The following CILK1 variants were observed in gnomAD, a reference collection of about 807,000 sequenced individuals.
CILK1 encodes the protein ciliogenesis associated kinase 1, also known as serine/threonine-protein kinase ICK.
CILK1 carries 47 observed loss-of-function variants against 79.2 expected under a neutral mutation model. The ratio of observed to expected loss-of-function variants is 0.59; its 90% CI spans 0.47 to 0.76. The LOEUF is 0.76. Among genes scored for constraint, CILK1 ranks in the 30% least tolerant of loss-of-function variants. The pLI is 0.00. For synonymous variants in CILK1, 266 were observed against 275.9 expected (o/e 0.96, Z 0.36); for missense variants, 660 against 769.5 (o/e 0.86, Z 1.68).
chr6:53,054,225 C>G lies in CILK1; in HGVS notation c.-173+7371G>C, dbSNP rs371955986. Among the ~76,000 whole-genome samples the G allele has an allele frequency of 7.9e-5, 12 of 152,200 alleles. No individual in the cohort carries two copies. The East Asian group carries it at 1.5e-3, about 20-fold the overall frequency. ...CCTGCCCCAACCTACACATATAGAC[C>G]CGAGAATGGTCCTCTCCCTTGATGC... On this transcript the variant is annotated intron_variant, in intron 1 of 13. Transcript: ENST00000676107.
intron 1 of CILK1, among the ~76,000 whole-genome samples, chr6:53,054,889 T>C (rs919895631): frequency 2.0e-5 from 3 of 152,304 alleles, no homozygotes; most frequent in African/African-American, 7.2e-5. Context: ...GCAGCTCACA[T>C]CAGGTGCCTT....
At position 53,009,537 on chromosome 6, in the gene CILK1, T is replaced by C; in HGVS notation, c.1523A>G (p.Asn508Ser). 1 of 1,611,578 alleles carries C rather than the reference T, an allele frequency of 6.2e-7. No homozygotes were observed. The highest frequency in any genetic ancestry group is 1.1e-5 in the South Asian group (1 of 91,036). ...GISIRNGILS[N>S]PGKEFIPPNP... ...AGGTGGAATAAATTCCTTGCCTGGA[T>C]TCGAGAGTATGCCATTTCTTATACT... The change falls in exon 12 of 14, where the codon AAT becomes AGT. Residue 508 changes from asparagine to serine, a missense_variant. Coordinates refer to ENST00000676107, the MANE Select transcript of CILK1 (RefSeq NM_014920.5).
chr6:53,059,488 A>T (rs1768233248), intron 1 of CILK1, among the ~76,000 whole-genome samples: 1 of 152,216 alleles, frequency 6.6e-6, no homozygotes, highest in Admixed American at 6.5e-5. Flanking sequence ...AAATATTATA[A>T]GAGAAGTAGA....
At chr6:53,015,199 G>T (rs534546398) in intron 8 of CILK1, among the ~76,000 whole-genome samples, 154 of 152,262 alleles carry the variant, frequency 1.0e-3, no homozygotes, top group Non-Finnish European at 1.7e-3. Flanking sequence ...ATTAGAATTG[G>T]TCACTTATAT....
Position 53,009,463 on chromosome 6 carries a change from A to G in CILK1, c.1597T>C (p.Ser533Pro). The G allele has an allele frequency of 6.2e-7, 1 of 1,614,144 alleles. No homozygotes were observed. The change falls in exon 12 of 14, where the codon TCA (serine) becomes CCA (proline). Residue 533 changes from serine (S) to proline (P), a missense_variant. Ser to Pro is a moderately conservative substitution (Grantham distance 74, BLOSUM62 -1). Transcript: ENST00000676107. ...CCTGAATTTACTTTGCTGATTACTG[A>G]CATTGTCCCTGAAGATTTTCCAGAC... ...GLSGKSSGTMSVISKVNSVGS... is the reference protein window; with the variant it reads ...GLSGKSSGTMPVISKVNSVGS...
At chr6:53,018,653 C>T (rs571898063) in intron 6 of CILK1, 152 bp from the exon 7 acceptor site, 155 of 743,592 alleles carry the variant, frequency 2.1e-4, no homozygotes, top group Middle Eastern at 3.8e-4. Flanking sequence ...TGGCAACTGC[C>T]GTGGGCTGCT....
intron 13 of CILK1, among the ~76,000 whole-genome samples, chr6:53,005,648 A>C (rs566418692): frequency 5.9e-4 from 90 of 152,180 alleles, no homozygotes; most frequent in Admixed American, 3.5e-3. Context: ...TACCTGGATA[A>C]TTTCAACATC....
chr6:53,051,086 G>C (rs575508099), intron 1 of CILK1, among the ~76,000 whole-genome samples: 66 of 152,272 alleles, frequency 4.3e-4, no homozygotes, highest in Admixed American at 2.0e-3. Context: ...ACTGGATTAA[G>C]TTCCTACATG....
At chr6:53,050,179 T>C (rs1040514731) in intron 1 of CILK1, among the ~76,000 whole-genome samples, 9 of 152,182 alleles carry the variant, frequency 5.9e-5, no homozygotes, top group Non-Finnish European at 1.0e-4. Context: ...AAAAATTTGA[T>C]ACTTGACAAG....
At position 53,019,235 on chromosome 6, in the gene CILK1, A is replaced by C; in HGVS notation, c.483T>G (p.Ser161=). The C allele has an allele frequency of 6.2e-7, 1 of 1,613,642 alleles. No homozygotes were observed. The highest frequency in any genetic ancestry group is 8.5e-7 in the Non-Finnish European group (1 of 1,179,528). The change falls in exon 6 of 14, where the codon TCT becomes TCG. Residue 161 remains serine (S), a synonymous_variant. Coordinates refer to ENST00000676107, the MANE Select transcript of CILK1 (RefSeq NM_014920.5). Reference sequence around the variant, plus strand: ...AGAAAAATGGTATTCACCATCTGGTAGATACATAATCTGTATATGGAGGTT... The same window carrying C: ...AGAAAAATGGTATTCACCATCTGGTCGATACATAATCTGTATATGGAGGTT... The part of the protein sequence containing the change: ...RSKPPYTDYV[S]TRWYRAPEVL...
intron 1 of CILK1, among the ~76,000 whole-genome samples, chr6:53,053,780 C>T (rs1767650631): frequency 6.6e-6 from 1 of 152,150 alleles, no homozygotes; most frequent in Non-Finnish European, 1.5e-5. Context: ...TCCTCTGGAG[C>T]CATTGGCAGC....
rs147974321 is a variant in CILK1, at chr6:53,044,411, T to A, written c.-172-3003A>T. On this transcript the variant is annotated intron_variant, in intron 1 of 13. Transcript: ENST00000676107. ...CCATGGACAGTAGATTAGATAAAAATATTTATCTGTGTTAAAGTTATTGTA... is the reference window on the plus strand; with the variant it reads ...CCATGGACAGTAGATTAGATAAAAAAATTTATCTGTGTTAAAGTTATTGTA... Among the ~76,000 whole-genome samples the A allele has an allele frequency of 4.6e-5, 7 of 152,302 alleles. No homozygotes were observed. The East Asian group carries it at 1.4e-3, about 29-fold the overall frequency.
intron 5 of CILK1, among the ~76,000 whole-genome samples, chr6:53,026,156 T>C (rs747663695): frequency 2.8e-4 from 42 of 152,202 alleles, no homozygotes; most frequent in Non-Finnish European, 4.6e-4. Flanking sequence ...CTTTTTTGTT[T>C]GTTTGTTTTT....
At position 53,012,241 on chromosome 6, in the gene CILK1, C is replaced by A. The variant is rs368006001; in HGVS notation, c.1153-14G>T. The A allele has an allele frequency of 1.2e-6, 2 of 1,613,452 alleles. No individual in the cohort carries two copies. Among genetic ancestry groups the A allele is most frequent in the Non-Finnish European group, 1.7e-6 (2 of 1,179,632 alleles). On this transcript the variant is annotated splice_polypyrimidine_tract_variant and intron_variant, in intron 9 of 13. Transcript: ENST00000676107. The stretch of plus-strand genomic sequence containing the variant: ...AGCTGTGATTTTCTGTGTAAACAAA[C>A]GGGGTGGGGGAAAGCAATACTTGGC...
chr6:53,031,729 C>T (rs1301591167), intron 4 of CILK1, among the ~76,000 whole-genome samples: 1 of 152,202 alleles, frequency 6.6e-6, no homozygotes, highest in African/African-American at 2.4e-5. Context: ...GTCTCAAAAT[C>T]CAGGAAGCTG....
At chr6:53,042,310 C>T (rs1202961413) in intron 1 of CILK1, among the ~76,000 whole-genome samples, 1 of 152,170 alleles carries the variant, frequency 6.6e-6, no homozygotes, top group Non-Finnish European at 1.5e-5. Context: ...GCTGACTAAC[C>T]ATTCTGGGCA....
intron 7 of CILK1, among the ~76,000 whole-genome samples, 160 bp downstream of exon 7, chr6:53,018,170 G>A (rs781651617): frequency 9.2e-5 from 14 of 152,184 alleles, no homozygotes. Flanking sequence ...AAGAGAAGCC[G>A]ACCGTATCTG....
At chr6:53,036,159 A>C (rs1766316788) in intron 3 of CILK1, among the ~76,000 whole-genome samples, 1 of 152,254 alleles carries the variant, frequency 6.6e-6, no homozygotes, top group East Asian at 1.9e-4. Flanking sequence ...CTTTTGCATT[A>C]GAACTAATAC....
At chr6:53,008,056 C>A (rs1245799718) in intron 12 of CILK1, among the ~76,000 whole-genome samples, 1 of 151,624 alleles carries the variant, frequency 6.6e-6, no homozygotes, top group Non-Finnish European at 1.5e-5. Context: ...AATAGGGGTA[C>A]AATAATCATC....
Sources: allele counts gnomAD v4.1 joint callset (sites outside exome capture counted in the v4.1 genomes callset), GRCh38; gene constraint gnomAD v4.1.1; transcripts MANE v1.5; gene names NCBI Gene and HGNC (gene_info 2026-07-23, HGNC 2026-07-21).